The following NEDD4L variants were observed in gnomAD, a reference collection of about 807,000 sequenced individuals.
NEDD4L encodes the protein NEDD4 like E3 ubiquitin protein ligase, also known as E3 ubiquitin-protein ligase NEDD4-like.
NEDD4L carries 54 observed loss-of-function variants against 148.9 expected under a neutral mutation model. That is an observed-to-expected ratio of 0.36 (90% confidence interval 0.29 to 0.45). NEDD4L has a LOEUF of 0.45. NEDD4L is among the 20% of genes least tolerant of loss of function. NEDD4L has a pLI of 1.00. For synonymous variants in NEDD4L, 433 were observed against 440.7 expected, an observed-to-expected ratio of 0.98 and a Z score of 0.22; for missense variants, 856 against 1,233.8, an observed-to-expected ratio of 0.69 and a Z score of 4.59.
At chr18:58,101,531 G>A (rs746680184) in intron 1 of NEDD4L, among the ~76,000 whole-genome samples, 3 of 152,080 alleles carry the variant, frequency 2.0e-5, no homozygotes, top group Non-Finnish European at 4.4e-5. Flanking sequence ...AGTATTTCTC[G>A]GTTCCGTCCG....
intron 1 of NEDD4L, among the ~76,000 whole-genome samples, chr18:58,050,889 C>G (rs1682674800): frequency 6.6e-6 from 1 of 152,190 alleles, no homozygotes; most frequent in African/African-American, 2.4e-5. Context: ...TTGCATGGTA[C>G]TCAGGCATTT....
At chr18:58,317,350 G>A (rs944713814) in intron 6 of NEDD4L, among the ~76,000 whole-genome samples, 4 of 152,194 alleles carry the variant, frequency 2.6e-5, no homozygotes, top group Non-Finnish European at 5.9e-5. Flanking sequence ...ATCCTTCTAC[G>A]TTGGGAGGTC....
chr18:58,398,377 G>A lies in NEDD4L; in HGVS notation c.*2108G>A, dbSNP rs2050632643. 6.6e-6 allele frequency: 1 copy of A among 151,962 alleles called. No homozygotes were observed. 9.4% of individuals were successfully genotyped at this position (151,962 alleles called of 1,614,324 possible). ...TTTCTTGGTTTTTGAGAGTAATTGT[G>A]TAATTGTAGAGGGAGAAATCCAATT... On this transcript the variant is annotated 3_prime_UTR_variant, in exon 31 of 31. Transcript: ENST00000400345.
intron 5 of NEDD4L, among the ~76,000 whole-genome samples, chr18:58,306,980 G>A (rs1417951930): frequency 5.3e-5 from 8 of 152,206 alleles, no homozygotes; most frequent in Non-Finnish European, 8.8e-5. Context: ...TGATAGATGA[G>A]CTACAGGTTG....
At chr18:58,266,019 A>G (rs1214514591) in intron 5 of NEDD4L, among the ~76,000 whole-genome samples, 1 of 152,148 alleles carries the variant, frequency 6.6e-6, no homozygotes, top group African/African-American at 2.4e-5. Context: ...GCTAATCTGT[A>G]TGATATGAGA....
rs537252508 is a variant in NEDD4L, at chr18:58,375,807, A to C, written c.2352+2538A>C. The stretch of plus-strand genomic sequence containing the variant: ...GCTAACCTGGCTTATTAAAAATATG[A>C]ATAAGGTGGTAAGTAATAGAAATCC... On this transcript the variant is annotated intron_variant, in intron 24 of 30. Transcript: ENST00000400345. 2.0e-5 allele frequency among the ~76,000 whole-genome samples: 3 copies of C among 152,242 alleles called. No homozygotes were observed. In the South Asian group the frequency reaches 6.2e-4, roughly 32 times the overall value.
intron 5 of NEDD4L, among the ~76,000 whole-genome samples, chr18:58,278,912 C>T (rs2052571757): frequency 1.3e-5 from 2 of 152,150 alleles, no homozygotes; most frequent in South Asian, 2.1e-4. Context: ...CACTCTGTCA[C>T]CCAGGCTGGA....
chr18:58,048,199 A>T (rs1196860093), intron 1 of NEDD4L, among the ~76,000 whole-genome samples: 1 of 152,144 alleles, frequency 6.6e-6, no homozygotes, highest in Non-Finnish European at 1.5e-5. Flanking sequence ...GTCCTTTGAG[A>T]TGTGGCAGAT....
At chr18:58,305,879 A>G (rs1252049242) in intron 5 of NEDD4L, among the ~76,000 whole-genome samples, 2 of 152,270 alleles carry the variant, frequency 1.3e-5, no homozygotes, top group Non-Finnish European at 2.9e-5. Context: ...CGGGAGACTT[A>G]GCTTTAACTA....
intron 2 of NEDD4L, among the ~76,000 whole-genome samples, chr18:58,206,492 A>C (rs1399966514): frequency 1.3e-5 from 2 of 152,198 alleles, no homozygotes; most frequent in African/African-American, 4.8e-5. Flanking sequence ...CAAGTTTTCC[A>C]GTCAAATGTA....
chr18:58,278,148 A>G (rs1600609454), intron 5 of NEDD4L, among the ~76,000 whole-genome samples: 1 of 152,232 alleles, frequency 6.6e-6, no homozygotes, highest in East Asian at 1.9e-4. Flanking sequence ...GTTCTTTGAT[A>G]GAATTAAACT....
At position 58,149,383 on chromosome 18, in the gene NEDD4L, T is replaced by G. The variant is rs1483157701; in HGVS notation, c.49-16405T>G. On this transcript the variant is annotated intron_variant, in intron 1 of 30. Transcript: ENST00000400345. ...GTAGACTGCTTTCCTGGGAGTCAAGTTAAAACTTCTCTCCTGTGACCTTGT... is the reference window on the plus strand; with the variant it reads ...GTAGACTGCTTTCCTGGGAGTCAAGGTAAAACTTCTCTCCTGTGACCTTGT... 4.8e-5 allele frequency: 69 copies of G among 1,451,508 alleles called. No homozygotes were observed. The Admixed American group carries it at 1.6e-3, about 33-fold the overall frequency. The allele number at this position is 1,451,508 out of a possible 1,614,324, so 89.9% of individuals were successfully genotyped here. A position where few individuals can be genotyped will look rare whatever the true frequency, so the allele number is the denominator to read the frequency against.
At chr18:58,112,747 C>T (rs2085500884) in intron 1 of NEDD4L, among the ~76,000 whole-genome samples, 1 of 152,194 alleles carries the variant, frequency 6.6e-6, no homozygotes, top group Non-Finnish European at 1.5e-5. Context: ...GCCTTGGCCT[C>T]CCAAAGTGCT....
chr18:58,236,325 C>G (rs1027558256), intron 2 of NEDD4L, among the ~76,000 whole-genome samples: 1 of 151,944 alleles, frequency 6.6e-6, no homozygotes. Flanking sequence ...CCACTGCACT[C>G]CAGCCTGGGT....
intron 2 of NEDD4L, among the ~76,000 whole-genome samples, chr18:58,205,558 A>G (rs72947036): frequency 0.043 from 6,500 of 151,660 alleles, 211 homozygotes; most frequent in South Asian, 0.12. Context: ...GGCAGCTGGT[A>G]GGGACTGTGG....
intron 1 of NEDD4L, among the ~76,000 whole-genome samples, chr18:58,124,841 A>G (rs2030734013): frequency 6.6e-6 from 1 of 152,246 alleles, no homozygotes; most frequent in South Asian, 2.1e-4. Flanking sequence ...CATTTGAAGA[A>G]GAGTGTATTA....
chr18:58,251,177 A>G (rs189043113), intron 4 of NEDD4L, among the ~76,000 whole-genome samples: 27 of 152,274 alleles, frequency 1.8e-4, no homozygotes, highest in Non-Finnish European at 3.2e-4. Flanking sequence ...GATTGCTGTG[A>G]AGATTAAAGG....
chr18:58,072,203 G>A (rs1036673626), intron 1 of NEDD4L, among the ~76,000 whole-genome samples: 6 of 152,222 alleles, frequency 3.9e-5, no homozygotes, highest in Non-Finnish European at 8.8e-5. Context: ...GAATTCTACC[G>A]AGTATTATTA....
At chr18:58,344,244 C>T (rs1259254567) in intron 16 of NEDD4L, among the ~76,000 whole-genome samples, 1 of 152,192 alleles carries the variant, frequency 6.6e-6, no homozygotes, top group Non-Finnish European at 1.5e-5. Flanking sequence ...CATTTTATGC[C>T]TTGCCCATTG....
Sources: gnomAD v4.1 joint callset for allele counts (sites outside exome capture counted in the v4.1 genomes callset) on GRCh38, gnomAD v4.1.1 for gene constraint, MANE v1.5 for transcripts, NCBI Gene and HGNC (gene_info 2026-07-23, HGNC 2026-07-21) for gene names.